The following FLCN variants were observed in gnomAD, a reference collection of about 807,000 sequenced individuals.
FLCN encodes BHD skin lesion fibrofolliculoma protein.
A neutral mutation model predicts 62.5 loss-of-function variants in FLCN; 22 were observed. The ratio of observed to expected loss-of-function variants is 0.35; its 90% CI spans 0.25 to 0.50. FLCN has a LOEUF of 0.50. Among genes scored for constraint, FLCN ranks in the 20% least tolerant of loss-of-function variants. FLCN has a pLI of 0.97. For synonymous variants in FLCN, 319 were observed against 310.0 expected (o/e 1.03, Z -0.30); for missense variants, 657 against 778.0 (o/e 0.84, Z 1.85).
At chr17:17,221,680 C>A in intron 7 of FLCN, 52 bp from the exon 8 acceptor site, 1 of 1,571,902 alleles carries the variant, frequency 6.4e-7, no homozygotes, top group Non-Finnish European at 8.6e-7. Flanking sequence ...AAAAAGCAAA[C>A]CTGACGCTCA....
In FLCN at chr17:17,216,227, A is replaced by G. The variant is rs569365734; in HGVS notation, c.1300+153T>C. On this transcript the variant is annotated intron_variant, in intron 11 of 13. Coordinates refer to ENST00000285071, the MANE Select transcript of FLCN (RefSeq NM_144997.7). The surrounding 1 kb of genome is among the most constrained non-coding windows in gnomAD (Gnocchi z 4.0). ...CTCACCCACCGCTACCTGTGTGAAG[A>G]TAGAACACGGAGGCCCAGAGCCATG... Among the ~76,000 whole-genome samples, 1 of 152,298 alleles carries G rather than the reference A, an allele frequency of 6.6e-6. No individual in the cohort carries two copies. The highest frequency in any genetic ancestry group is 1.5e-5 in the Non-Finnish European group (1 of 68,026).
At chr17:17,230,559 C>G (rs920848376) in intron 3 of FLCN, among the ~76,000 whole-genome samples, 5 of 151,568 alleles carry the variant, frequency 3.3e-5, no homozygotes, top group African/African-American at 9.7e-5. Context: ...AAAAACAAAA[C>G]AAAATAAAAC....
chr17:17,225,975 T>C (rs2047234027), intron 5 of FLCN: 1 of 724,456 alleles, frequency 1.4e-6, no homozygotes, highest in African/African-American at 1.7e-5. Flanking sequence ...AATCAGAAAA[T>C]GCTCAGCAAG....
At chr17:17,227,088 T>G (rs984474926) in intron 4 of FLCN, among the ~76,000 whole-genome samples, 1 of 151,964 alleles carries the variant, frequency 6.6e-6, no homozygotes, top group Admixed American at 6.6e-5. Context: ...ATTCCAGCAA[T>G]GGATGCAGCT....
Position 17,213,409 on chromosome 17 carries a change from CAG to C in FLCN, c.*244_*245del. ...GTCGTCTCTCCAAGGAGTTTGAACA[CAG>C]AGAGAGCCCATCATCCCTCCGCCTT... On this transcript the variant is annotated 3_prime_UTR_variant, in exon 14 of 14. Coordinates refer to ENST00000285071, the MANE Select transcript of FLCN (RefSeq NM_144997.7). 3.3e-6 allele frequency: 2 copies of C among 598,304 alleles called. No individual in the cohort carries two copies. The highest frequency in any genetic ancestry group is 6.0e-6 in the Non-Finnish European group (2 of 334,534). The allele number at this position is 598,304 out of a possible 1,614,324, so 37.1% of individuals were successfully genotyped here.
chr17:17,232,383 A>T (rs2047449941), intron 2 of FLCN, among the ~76,000 whole-genome samples: 1 of 152,196 alleles, frequency 6.6e-6, no homozygotes, highest in African/African-American at 2.4e-5. Context: ...GTGTTAGATA[A>T]ATGAGAGGAC....
chr17:17,212,610 C>A lies in FLCN; in HGVS notation c.*1045G>T, dbSNP rs563644388. The A allele has an allele frequency of 5.7e-6, 1 of 175,390 alleles. No individual in the cohort carries two copies. Among genetic ancestry groups the A allele is most frequent in the East Asian group, 9.8e-5 (1 of 10,194 alleles). 10.9% of individuals were successfully genotyped at this position (175,390 alleles called of 1,614,324 possible). On this transcript the variant is annotated 3_prime_UTR_variant, in exon 14 of 14. Transcript: ENST00000285071. ...GACCAGCCCGGCCAACACGGTGAAA[C>A]CCCGTCTCTACTAAAAAATACAAAA...
rs1042080088 is a variant in FLCN at position 17,216,114 on chromosome 17, C to T, written c.1300+266G>A. On this transcript the variant is annotated intron_variant, in intron 11 of 13. Coordinates refer to ENST00000285071, the MANE Select transcript of FLCN (RefSeq NM_144997.7). The surrounding 1 kb of genome is among the most constrained non-coding windows in gnomAD (Gnocchi z 4.0). ...AATCACCAGGACGACCAGGATCCTC[C>T]GGCCAGGGACACATCCTCCCACCCC... is the stretch of plus-strand genomic sequence containing the variant. Among the ~76,000 whole-genome samples the T allele has an allele frequency of 5.3e-5, 8 of 152,164 alleles. No homozygotes were observed. Among genetic ancestry groups the T allele is most frequent in the African/African-American group, 1.9e-4 (8 of 41,438 alleles).
At chr17:17,217,487 C>T in intron 9 of FLCN, 2 of 431,148 alleles carry the variant, frequency 4.6e-6, no homozygotes, top group Non-Finnish European at 8.6e-6. Flanking sequence ...CTTCTCTCTA[C>T]AGACACTTTC....
intron 7 of FLCN, 109 bp downstream of exon 7, chr17:17,222,392 G>T: frequency 6.7e-7 from 1 of 1,500,426 alleles, no homozygotes; most frequent in Non-Finnish European, 9.1e-7. Context: ...CACAGAGGCA[G>T]CAAGCAAACA....
Position 17,215,251 on chromosome 17 carries a change from C to A in FLCN, c.1366G>T (p.Asp456Tyr). Residue 456 changes from aspartate to tyrosine, a missense_variant, in exon 12 of 14, where the codon GAT becomes TAT. Coordinates refer to ENST00000285071, the MANE Select transcript of FLCN (RefSeq NM_144997.7). Reference protein sequence around the residue: ...RSTLHPVGCEDDQSLSKYEFV... With the variant: ...RSTLHPVGCEYDQSLSKYEFV... ...TCGTACTTGCTGAGAGACTGGTCAT[C>A]CTCACACCCCACAGGGTGGAGGGTG... The A allele has an allele frequency of 6.2e-7, 1 of 1,614,216 alleles. No individual in the cohort carries two copies. The highest frequency in any genetic ancestry group is 8.5e-7 in the Non-Finnish European group (1 of 1,180,046).
At chr17:17,226,005 C>T (rs2047235066) in intron 5 of FLCN, 171 bp downstream of exon 5, 2 of 909,018 alleles carry the variant, frequency 2.2e-6, no homozygotes, top group African/African-American at 3.3e-5. Flanking sequence ...ACTCCTCCCG[C>T]AATTCTGGAC....
chr17:17,217,369 G>T (rs1369547962), intron 9 of FLCN, 187 bp from the exon 10 acceptor site: 2 of 629,178 alleles, frequency 3.2e-6, no homozygotes, highest in Admixed American at 5.1e-5. Flanking sequence ...AGAAGTTCCA[G>T]GTTTGCACAT....
Position 17,219,112 on chromosome 17 carries a change from G to C in FLCN, c.969C>G (p.Thr323=). ...LPESTEGREL[T]QGPAESSSLS... ...GAGAGGAGGACTCTGCCGGGCCCTG[G>C]GTCAGCTCCCGCCCTTCTGTACTCT... Residue 323 remains threonine, a synonymous_variant, in exon 9 of 14, where the codon ACC becomes ACG. Coordinates refer to ENST00000285071, the MANE Select transcript of FLCN (RefSeq NM_144997.7). 6.2e-7 allele frequency: 1 copy of C among 1,614,124 alleles called. No homozygotes were observed. Among genetic ancestry groups the C allele is most frequent in the Non-Finnish European group, 8.5e-7 (1 of 1,180,016 alleles).
At chr17:17,235,061 G>GAC (rs1280865935) in intron 1 of FLCN, among the ~76,000 whole-genome samples, 3 of 144,488 alleles carry the variant, frequency 2.1e-5, no homozygotes, top group African/African-American at 7.7e-5. Context: ...GCAGTGAGCT[G>GAC]ATCGCACCAC....
chr17:17,235,752 T>G (rs1226221876), intron 1 of FLCN: 1 of 152,206 alleles, frequency 6.6e-6, no homozygotes, highest in Non-Finnish European at 1.5e-5. Flanking sequence ...ACTGTTCAAT[T>G]CCAATCTCTA....
chr17:17,226,251 G>A lies in FLCN; in HGVS notation c.321C>T (p.Val107=), dbSNP rs1383654925. The change falls in exon 5 of 14, where the codon GTC becomes GTT. Residue 107 remains valine (V), a synonymous_variant. Transcript: ENST00000285071. ...GGGGGTGGCTGGGGTGCTGGTGGCT[G>A]ACGTATTTAATGGAGGTCTCTTTAT... ...SHDKETSIKY[V]SHQHPSHPQL... is the part of the protein sequence containing the mutation. 8 of 1,614,180 alleles carry A rather than the reference G, an allele frequency of 5.0e-6. No homozygotes were observed. The highest frequency in any genetic ancestry group is 2.2e-5 in the East Asian group (1 of 44,868).
Position 17,224,058 on chromosome 17 carries a change from C to T in FLCN, c.482G>A (p.Ser161Asn), listed in dbSNP as rs760556162. The change falls in exon 6 of 14, where the codon AGC becomes AAC. Residue 161 changes from serine to asparagine, a missense_variant. By Grantham distance (46) the Ser-to-Asn change is conservative (BLOSUM62 1). Transcript: ENST00000285071. ...CCAGCGCTGGAAGCCCCTGGCCAGG[C>T]TGTCCTTGATGAAGAAGGTGTGGCT... The part of the protein sequence containing the change: ...VFSHTFFIKD[S>N]LARGFQRWYS... The T allele has an allele frequency of 1.9e-6, 3 of 1,613,804 alleles. No homozygotes were observed. Among genetic ancestry groups the T allele is most frequent in the Non-Finnish European group, 2.5e-6 (3 of 1,179,982 alleles).
chr17:17,230,115 C>T (rs1168903545), intron 3 of FLCN, among the ~76,000 whole-genome samples: 3 of 152,172 alleles, frequency 2.0e-5, no homozygotes, highest in Non-Finnish European at 4.4e-5. Context: ...TGGGGACAGC[C>T]ACAGCCAACA....
Sources: allele counts gnomAD v4.1 joint callset (sites outside exome capture counted in the v4.1 genomes callset), GRCh38; gene constraint gnomAD v4.1.1; non-coding constraint Gnocchi (gnomAD v3.1); transcripts MANE v1.5; gene names NCBI Gene and HGNC (gene_info 2026-07-23, HGNC 2026-07-21).